AMMECR1: variants seen among roughly 807,000 people sequenced by gnomAD.
AMMECR1 encodes nuclear protein AMMECR1.
Under a neutral mutation model 22.5 loss-of-function variants are expected in AMMECR1, and 3 were observed. The ratio of observed to expected loss-of-function variants is 0.13; its 90% CI spans 0.06 to 0.35. The LOEUF is 0.35. AMMECR1 is among the 10% of genes least tolerant of loss of function. AMMECR1 has a pLI of 1.00. For synonymous variants in AMMECR1, 130 were observed against 116.7 expected, an observed-to-expected ratio of 1.11 and a Z score of -0.74; for missense variants, 235 against 278.7, an observed-to-expected ratio of 0.84 and a Z score of 1.12.
At chrX:110,231,562 T>A (rs991983407) in intron 2 of AMMECR1, among the ~76,000 whole-genome samples, 2 of 112,172 alleles carry the variant, frequency 1.8e-5, no homozygotes, top group African/African-American at 6.5e-5. Flanking sequence ...TGCAAAAACA[T>A]GCCAAATTGT....
chrX:110,356,951 A>G (rs966630117), intron 2 of AMMECR1, among the ~76,000 whole-genome samples: 4 of 111,833 alleles, frequency 3.6e-5, no homozygotes, highest in Non-Finnish European at 7.5e-5. Flanking sequence ...TTATATTAAA[A>G]TATTGAAATG....
intron 2 of AMMECR1, among the ~76,000 whole-genome samples, chrX:110,355,674 G>T (rs766184303): frequency 2.7e-5 from 3 of 111,535 alleles, no homozygotes; most frequent in Non-Finnish European, 5.6e-5. Flanking sequence ...CAGTATAAAG[G>T]TTCCTCAAAA....
intron 2 of AMMECR1, among the ~76,000 whole-genome samples, chrX:110,222,788 A>G (rs1235631570): frequency 6.3e-5 from 7 of 110,904 alleles, no homozygotes; most frequent in Non-Finnish European, 1.1e-4. Context: ...AGAAAGCAAG[A>G]AAGGGAGAAT....
At chrX:110,248,047 C>A (rs997863430) in intron 2 of AMMECR1, among the ~76,000 whole-genome samples, 5 of 111,433 alleles carry the variant, frequency 4.5e-5, no homozygotes, top group African/African-American at 1.6e-4. Flanking sequence ...TCTTCTTTGC[C>A]TTTTAAATAC....
intron 1 of AMMECR1, among the ~76,000 whole-genome samples, chrX:110,431,178 C>G (rs1177747494): frequency 8.9e-6 from 1 of 111,899 alleles, no homozygotes; most frequent in East Asian, 2.8e-4. Context: ...ATTCTGGGGG[C>G]CTTCCCTCTA....
chrX:110,388,222 T>TG (rs2068471513), intron 2 of AMMECR1, among the ~76,000 whole-genome samples: 2 of 111,754 alleles, frequency 1.8e-5, no homozygotes, highest in Non-Finnish European at 3.8e-5. Context: ...GGGGCCCACA[T>TG]CAAGTTTTTC....
chrX:110,406,633 C>G (rs933632867), intron 2 of AMMECR1, among the ~76,000 whole-genome samples: 1 of 111,700 alleles, frequency 9.0e-6, no homozygotes. Context: ...GTAATGGGAT[C>G]GCTGGGTCAA....
chrX:110,408,067 G>A (rs971081251), intron 2 of AMMECR1, among the ~76,000 whole-genome samples: 1 of 112,924 alleles, frequency 8.9e-6, no homozygotes, highest in Non-Finnish European at 1.9e-5. Flanking sequence ...GCTGAGTTTA[G>A]TGGGGCACCC....
At chrX:110,198,669 T>C in intron 5 of AMMECR1, 35 bp from the exon 6 acceptor site, 2 of 1,009,333 alleles carry the variant, frequency 2.0e-6, no homozygotes, top group Non-Finnish European at 1.4e-6. Flanking sequence ...AAGTTAACAT[T>C]GAGAAGTAGG....
At chrX:110,269,119 C>G (rs1209613470) in intron 1 of AMMECR1, among the ~76,000 whole-genome samples, 1 of 111,837 alleles carries the variant, frequency 8.9e-6, no homozygotes, top group Admixed American at 9.5e-5. Flanking sequence ...TGCCAACTAG[C>G]AGCCAATACT....
chrX:110,234,382 T>C (rs1194632296), intron 2 of AMMECR1, among the ~76,000 whole-genome samples: 3 of 111,905 alleles, frequency 2.7e-5, no homozygotes, highest in South Asian at 3.7e-4. Context: ...AGAATCGATA[T>C]CGTGAAAATG....
chrX:110,327,847 C>A (rs768557080), intron 2 of AMMECR1, among the ~76,000 whole-genome samples: 1 of 111,420 alleles, frequency 9.0e-6, no homozygotes, highest in Non-Finnish European at 1.9e-5. Flanking sequence ...CTGAAAAGAG[C>A]AAATACTGAG....
At chrX:110,215,020 CATA>C (rs768052283) in intron 3 of AMMECR1, among the ~76,000 whole-genome samples, 138 of 111,456 alleles carry the variant, frequency 1.2e-3, no homozygotes, top group African/African-American at 4.2e-3. Flanking sequence ...GGAATATTTC[CATA>C]ATATTTGTAG....
chrX:110,387,086 C>T (rs1197596557), intron 2 of AMMECR1, among the ~76,000 whole-genome samples: 2 of 111,962 alleles, frequency 1.8e-5, no homozygotes, highest in Non-Finnish European at 1.9e-5. Context: ...TCTAAGCAGT[C>T]TGTAATTAAC....
At chrX:110,416,095 G>A (rs1045802220) in intron 2 of AMMECR1, among the ~76,000 whole-genome samples, 2 of 110,913 alleles carry the variant, frequency 1.8e-5, no homozygotes, top group Non-Finnish European at 3.8e-5. Flanking sequence ...GCAAGGCACT[G>A]TGTTCTGGAC....
chrX:110,413,292 G>T (rs879168257), intron 2 of AMMECR1, among the ~76,000 whole-genome samples: 2 of 111,297 alleles, frequency 1.8e-5, no homozygotes, highest in African/African-American at 6.6e-5. Flanking sequence ...GAGTCTCCAC[G>T]GCGGATCTCA....
chrX:110,403,620 C>T (rs1413739307), intron 2 of AMMECR1, among the ~76,000 whole-genome samples: 2 of 111,901 alleles, frequency 1.8e-5, no homozygotes, highest in Non-Finnish European at 3.8e-5. Context: ...GCCAGACTCC[C>T]CTTACCCAGA....
chrX:110,433,948 C>G (rs1177509660), intron 1 of AMMECR1, among the ~76,000 whole-genome samples: 1 of 111,477 alleles, frequency 9.0e-6, no homozygotes, highest in Non-Finnish European at 1.9e-5. Flanking sequence ...GGGGTCTTCC[C>G]TATCTAGTGG....
rs1030451271 is a variant in AMMECR1, at chrX:110,361,146, C to G, written c.-147-43297G>C. Among the ~76,000 whole-genome samples the G allele has an allele frequency of 3.6e-5, 4 of 111,070 alleles. No homozygotes were observed. The East Asian group carries it at 1.1e-3, about 31-fold the overall frequency. The stretch of plus-strand genomic sequence containing the variant: ...AAACCTGCTGCACTCACAAAACCTG[C>G]TCCTCACAGTCTTCCCCGTCTCCCT... On this transcript the variant is annotated intron_variant, in intron 2 of 7. Transcript: ENST00000372057.
Sources: gnomAD v4.1 joint callset for allele counts (sites outside exome capture counted in the v4.1 genomes callset) on GRCh38, gnomAD v4.1.1 for gene constraint, MANE v1.5 for transcripts, NCBI Gene and HGNC (gene_info 2026-07-23, HGNC 2026-07-21) for gene names.